The following SARDH variants were observed in gnomAD, a reference collection of about 807,000 sequenced individuals.
SARDH encodes the protein sarcosine dehydrogenase, mitochondrial.
A neutral mutation model predicts 109.1 loss-of-function variants in SARDH; 95 were observed. The observed-to-expected ratio is 0.87, with a 90% CI of 0.74 to 1.03. The LOEUF is 1.03. SARDH is among the 50% of genes least tolerant of loss of function. The pLI is 0.00. For missense variants in SARDH, 1,267 were observed against 1,287.8 expected (o/e 0.98, Z 0.25); for synonymous variants, 572 against 534.8 (o/e 1.07, Z -0.96).
chr9:133,691,169 A>AACACACACACACACACAC (rs3081171), intron 15 of SARDH, among the ~76,000 whole-genome samples: 4 of 112,192 alleles, frequency 3.6e-5, no homozygotes, highest in African/African-American at 7.2e-5. Flanking sequence ...CACCTCCCCC[A>AACACACACACACACACAC]ACACACACAC....
chr9:133,679,585 C>T (rs544311505), intron 17 of SARDH, among the ~76,000 whole-genome samples: 4 of 152,290 alleles, frequency 2.6e-5, no homozygotes, highest in African/African-American at 4.8e-5. Context: ...CTGGGAGACA[C>T]GCCGGGAGAG....
chr9:133,738,386 C>A (rs1381137901), upstream of SARDH: 1 of 152,132 alleles, frequency 6.6e-6, no homozygotes, highest in Non-Finnish European at 1.5e-5. Context: ...CGCTGCCAGC[C>A]CCATGTCTCC....
Position 133,666,861 on chromosome 9 carries a change from G to A in SARDH, c.2505C>T (p.Pro835=). The change falls in exon 20 of 21, where the codon CCC becomes CCT. Residue 835 remains proline (P), a synonymous_variant. Transcript: ENST00000439388. The surrounding 1 kb of genome is among the most constrained non-coding windows in gnomAD (Gnocchi z 5.2). ...TCCAGATGGCCTCCAGGCCAAACAT[G>A]GGTACTTTGCTGGAAGAAGCAGTAG... The part of the protein sequence containing the change: ...LVCFTMEDKV[P]MFGLEAIWRN... The A allele has an allele frequency of 6.2e-6, 10 of 1,612,680 alleles. No individual in the cohort carries two copies. The highest frequency in any genetic ancestry group is 8.5e-6 in the Non-Finnish European group (10 of 1,179,668).
chr9:133,698,134 T>A (rs1246845061), intron 13 of SARDH, among the ~76,000 whole-genome samples: 1 of 151,816 alleles, frequency 6.6e-6, no homozygotes, highest in African/African-American at 2.4e-5. Context: ...ATATTAGCAA[T>A]GAACAGTCTC....
rs1832220669 is a variant in SARDH at position 133,718,801 on chromosome 9, G to A, written c.1020+137C>T. 3.7e-6 allele frequency: 3 copies of A among 807,578 alleles called. No homozygotes were observed. Among genetic ancestry groups the A allele is most frequent in the Non-Finnish European group, 6.7e-6 (3 of 444,896 alleles). The allele number at this position is 807,578 out of a possible 1,614,324, so 50.0% of individuals were successfully genotyped here. ...TAAGAGCAAGATGGCTTTGAGCTTGGTGGGGTCAGGGGACCGGCCACTTCT... is the reference window on the plus strand; with the variant it reads ...TAAGAGCAAGATGGCTTTGAGCTTGATGGGGTCAGGGGACCGGCCACTTCT... On this transcript the variant is annotated intron_variant, in intron 7 of 20. Coordinates refer to ENST00000439388, the MANE Select transcript of SARDH (RefSeq NM_001134707.2). This position sits in a 1 kb window ranked among gnomAD's most constrained non-coding sequence, Gnocchi z 4.2.
rs1011341171 is a variant in SARDH, at chr9:133,704,024, A to G, written c.1554+924T>C. On this transcript the variant is annotated intron_variant, in intron 12 of 20. Transcript: ENST00000439388. This position sits in a 1 kb window ranked among gnomAD's most constrained non-coding sequence, Gnocchi z 4.5. Reference sequence around the variant, plus strand: ...AGAGGGGCTTCCAGGGCCAGATCTGACTGGAACACAGTGGGTTGCACTTCA... The same window carrying G: ...AGAGGGGCTTCCAGGGCCAGATCTGGCTGGAACACAGTGGGTTGCACTTCA... 2.0e-5 allele frequency among the ~76,000 whole-genome samples: 3 copies of G among 152,110 alleles called. No homozygotes were observed. The highest frequency in any genetic ancestry group is 2.0e-4 in the Admixed American group (3 of 15,298).
Position 133,666,640 on chromosome 9 carries a change from T to C in SARDH, c.2631+95A>G. The C allele has an allele frequency of 2.8e-6, 4 of 1,444,996 alleles. No individual in the cohort carries two copies. 89.5% of individuals were successfully genotyped at this position (1,444,996 alleles called of 1,614,324 possible). ...CTGGACCACACCCGTGCCTCCTCCC[T>C]ATGCCCGGCACACTCAGGGTGCAGT... On this transcript the variant is annotated intron_variant, in intron 20 of 20. Coordinates refer to ENST00000439388, the MANE Select transcript of SARDH (RefSeq NM_001134707.2). This position sits in a 1 kb window ranked among gnomAD's most constrained non-coding sequence, Gnocchi z 5.2.
At position 133,712,582 on chromosome 9, in the gene SARDH, T is replaced by A. The variant is rs778979820; in HGVS notation, c.1328+37A>T. 1 of 1,547,750 alleles carries A rather than the reference T, an allele frequency of 6.5e-7. No individual in the cohort carries two copies. Among genetic ancestry groups the A allele is most frequent in the African/African-American group, 1.3e-5 (1 of 74,178 alleles). On this transcript the variant is annotated intron_variant, in intron 10 of 20. Transcript: ENST00000439388. This position sits in a 1 kb window ranked among gnomAD's most constrained non-coding sequence, Gnocchi z 4.1. ...TTTACCCCACGCCACCTGTCCTGAG[T>A]GGCGGGCCCTGCCCTTAGGTCCCAA...
intron 17 of SARDH, among the ~76,000 whole-genome samples, chr9:133,674,652 C>T (rs954033504): frequency 6.6e-6 from 1 of 152,152 alleles, no homozygotes; most frequent in Non-Finnish European, 1.5e-5. Context: ...GAAAGAGTCT[C>T]CAACAAGTGG....
chr9:133,670,777 C>A, intron 18 of SARDH, 25 bp from the exon 19 acceptor site: 1 of 1,544,124 alleles, frequency 6.5e-7, no homozygotes, highest in South Asian at 1.3e-5. Context: ...TCCATGGGGT[C>A]GGTGCCACCC....
chr9:133,672,641 T>C (rs1323472996), intron 17 of SARDH, among the ~76,000 whole-genome samples: 1 of 152,192 alleles, frequency 6.6e-6, no homozygotes, highest in Non-Finnish European at 1.5e-5. Context: ...ACCCACCAAT[T>C]CTGGTCAGCC....
At position 133,692,254 on chromosome 9, in the gene SARDH, C is replaced by T. The variant is rs572943061; in HGVS notation, c.1922-1727G>A. 9.3e-4 allele frequency among the ~76,000 whole-genome samples: 142 copies of T among 152,228 alleles called. No homozygotes were observed. The highest frequency in any genetic ancestry group is 3.1e-3 in the African/African-American group (130 of 41,528). On this transcript the variant is annotated intron_variant, in intron 15 of 20. Coordinates refer to ENST00000439388, the MANE Select transcript of SARDH (RefSeq NM_001134707.2). This position sits in a 1 kb window ranked among gnomAD's most constrained non-coding sequence, Gnocchi z 5.0. ...GTCGCTGAGCCAGGTAGTGGCAGGA[C>T]CTGGCCAGGATTTTTGGTGACCTGT...
At position 133,682,254 on chromosome 9, in the gene SARDH, G is replaced by A. The variant is rs1032935849; in HGVS notation, c.2163+2939C>T. Among the ~76,000 whole-genome samples the A allele has an allele frequency of 3.9e-5, 6 of 152,176 alleles. 1 individual carries two copies. Among genetic ancestry groups the A allele is most frequent in the Admixed American group, 3.3e-4 (5 of 15,278 alleles). On this transcript the variant is annotated intron_variant, in intron 17 of 20. Coordinates refer to ENST00000439388, the MANE Select transcript of SARDH (RefSeq NM_001134707.2). ...GCTGAGGGCGTTCCAAGTGGTTCTC[G>A]GGGAACGTTCAAAGGAACAGGGGAA...
intron 13 of SARDH, among the ~76,000 whole-genome samples, chr9:133,702,526 G>T (rs1346731229): frequency 6.6e-6 from 1 of 152,160 alleles, no homozygotes; most frequent in Admixed American, 6.5e-5. Context: ...TCTACTCTGC[G>T]CTGGCTTCCA....
chr9:133,670,286 G>A lies in SARDH; in HGVS notation c.2495+298C>T, dbSNP rs542302815. On this transcript the variant is annotated intron_variant, in intron 19 of 20. Transcript: ENST00000439388. ...GGAGGTTGCAGTGAGCCGAGATTGC[G>A]CCACTGCACTCCGGCCTGGGCAATA... 3.1e-3 allele frequency among the ~76,000 whole-genome samples: 442 copies of A among 144,442 alleles called. 4 individuals carry two copies. The highest frequency in any genetic ancestry group is 2.3e-3 in the Non-Finnish European group (156 of 67,186). The allele number at this position is 144,442 out of a possible 152,430, so 94.8% of individuals were successfully genotyped here. A position where few individuals can be genotyped will look rare whatever the true frequency, so the allele number is the denominator to read the frequency against.
rs2131335022 is a variant in SARDH at position 133,671,682 on chromosome 9, G to C, written c.2179C>G (p.Leu727Val). 6.3e-7 allele frequency: 1 copy of C among 1,579,636 alleles called. No homozygotes were observed. Among genetic ancestry groups the C allele is most frequent in the Non-Finnish European group, 8.6e-7 (1 of 1,162,980 alleles). Residue 727 changes from leucine (L) to valine (V), a missense_variant, in exon 18 of 21, where the codon CTG becomes GTG. Transcript: ENST00000439388. Reference sequence around the variant, plus strand: ...CAGCCCAGCTCCCCCACAAAGGACAGCCGCATGGCTCGGACCTGGGGGACA... The same window carrying C: ...CAGCCCAGCTCCCCCACAAAGGACACCCGCATGGCTCGGACCTGGGGGACA... ...AAGHLVRAMR[L>V]SFVGELGWEL...
At position 133,705,045 on chromosome 9, in the gene SARDH, G is replaced by A. The variant is rs1446995193; in HGVS notation, c.1471-14C>T. The A allele has an allele frequency of 6.3e-7, 1 of 1,580,722 alleles. No homozygotes were observed. The highest frequency in any genetic ancestry group is 1.3e-5 in the African/African-American group (1 of 74,602). On this transcript the variant is annotated splice_polypyrimidine_tract_variant and intron_variant, in intron 11 of 20. Coordinates refer to ENST00000439388, the MANE Select transcript of SARDH (RefSeq NM_001134707.2). ...TCCAAGGAGTTCCTGAGCAGGAGTGGGGAACAGGCATCTGTCACGCATGGC... is the reference window on the plus strand; with the variant it reads ...TCCAAGGAGTTCCTGAGCAGGAGTGAGGAACAGGCATCTGTCACGCATGGC...
At chr9:133,732,245 C>A (rs1266195348) in intron 3 of SARDH, among the ~76,000 whole-genome samples, 178 bp downstream of exon 3, 4 of 151,042 alleles carry the variant, frequency 2.6e-5, no homozygotes, top group Admixed American at 2.6e-4. Context: ...CACACGAGCC[C>A]CCCACCCCAG....
chr9:133,712,776 T>A lies in SARDH; in HGVS notation c.1238-67A>T. The A allele has an allele frequency of 6.9e-7, 1 of 1,445,788 alleles. No individual in the cohort carries two copies. Among genetic ancestry groups the A allele is most frequent in the South Asian group, 1.2e-5 (1 of 86,680 alleles). The allele number at this position is 1,445,788 out of a possible 1,614,324, so 89.6% of individuals were successfully genotyped here. On this transcript the variant is annotated intron_variant, in intron 9 of 20. Coordinates refer to ENST00000439388, the MANE Select transcript of SARDH (RefSeq NM_001134707.2). This position sits in a 1 kb window ranked among gnomAD's most constrained non-coding sequence, Gnocchi z 4.1. ...GGTCCCCCACCCATGTCCAAACATG[T>A]GCCCCCATCTCCACGGACAGCACAG... is the stretch of plus-strand genomic sequence containing the variant.
Sources: gnomAD v4.1 joint callset for allele counts (sites outside exome capture counted in the v4.1 genomes callset) on GRCh38, gnomAD v4.1.1 for gene constraint, Gnocchi (gnomAD v3.1) non-coding constraint, MANE v1.5 for transcripts, NCBI Gene and HGNC (gene_info 2026-07-23, HGNC 2026-07-21) for gene names.